NKIRAS1: variants seen among roughly 807,000 people sequenced by gnomAD.
NKIRAS1 encodes the protein NF-kappa-B inhibitor-interacting Ras-like protein 1.
A neutral mutation model predicts 19.8 loss-of-function variants in NKIRAS1; 16 were observed. The observed-to-expected ratio is 0.81, with a 90% CI of 0.55 to 1.23. NKIRAS1 has a LOEUF of 1.23. Among genes scored for constraint, NKIRAS1 ranks in the 50% most tolerant of loss-of-function variants. The pLI is 0.00. For synonymous variants in NKIRAS1, 88 were observed against 79.0 expected, an observed-to-expected ratio of 1.11 and a Z score of -0.61; for missense variants, 184 against 220.0, an observed-to-expected ratio of 0.84 and a Z score of 1.04.
At position 23,890,359 on chromosome 3, in the gene NKIRAS1, G is replaced by T; in HGVS notation, c.*2736C>A. 1 of 636,592 alleles carries T rather than the reference G, an allele frequency of 1.6e-6. No individual in the cohort carries two copies. 39.4% of individuals were successfully genotyped at this position (636,592 alleles called of 1,614,324 possible). On this transcript the variant is annotated 3_prime_UTR_variant, in exon 5 of 5. Coordinates refer to ENST00000425478, the MANE Select transcript of NKIRAS1 (RefSeq NM_020345.4). Reference sequence around the variant, plus strand: ...GTTATGTTTTTTTGAAATTTTGATGGAAAAATATCCAGCATGGTGGAGTGG... The same window carrying T: ...GTTATGTTTTTTTGAAATTTTGATGTAAAAATATCCAGCATGGTGGAGTGG...
chr3:23,902,635 A>G (rs553197970), intron 3 of NKIRAS1, among the ~76,000 whole-genome samples: 3 of 152,288 alleles, frequency 2.0e-5, no homozygotes, highest in Non-Finnish European at 2.9e-5. Context: ...AAGGGGGTCT[A>G]AAGTTTAGAC....
chr3:23,900,139 G>A (rs1324350750), intron 4 of NKIRAS1, among the ~76,000 whole-genome samples: 1 of 151,782 alleles, frequency 6.6e-6, no homozygotes, highest in Non-Finnish European at 1.5e-5. Flanking sequence ...TCCAGCCTGG[G>A]TGAAAGAGAG....
At chr3:23,944,222 C>G (rs1226351291) in intron 1 of NKIRAS1, among the ~76,000 whole-genome samples, 1 of 152,046 alleles carries the variant, frequency 6.6e-6, no homozygotes, top group African/African-American at 2.4e-5. Context: ...GCAGATTTAC[C>G]AAAACAGTAA....
chr3:23,934,842 AAACTTACAGAG>A (rs201932169), intron 1 of NKIRAS1, among the ~76,000 whole-genome samples: 20 of 145,158 alleles, frequency 1.4e-4, no homozygotes, highest in African/African-American at 3.2e-4. Flanking sequence ...TGAAAAAAAA[AAACTTACAGAG>A]AATATCAGAA....
intron 1 of NKIRAS1, among the ~76,000 whole-genome samples, chr3:23,942,284 C>CAGTA (rs968476888): frequency 6.6e-6 from 1 of 151,764 alleles, no homozygotes; most frequent in African/African-American, 2.4e-5. Context: ...TGGCCTAGAG[C>CAGTA]AGTACTGTGA....
At chr3:23,933,854 G>A (rs1301119814) in intron 1 of NKIRAS1, among the ~76,000 whole-genome samples, 1 of 152,164 alleles carries the variant, frequency 6.6e-6, no homozygotes, top group African/African-American at 2.4e-5. Flanking sequence ...TAAGTTGGGT[G>A]TCTGGTAAAG....
intron 3 of NKIRAS1, among the ~76,000 whole-genome samples, chr3:23,903,116 GTATT>G (rs1702676506): frequency 6.6e-6 from 1 of 152,104 alleles, no homozygotes; most frequent in South Asian, 2.1e-4. Context: ...TTTTTAAGTT[GTATT>G]TATTTATTTT....
intron 1 of NKIRAS1, among the ~76,000 whole-genome samples, chr3:23,931,696 A>G (rs1386678180): frequency 7.0e-6 from 1 of 143,294 alleles, no homozygotes; most frequent in African/African-American, 2.6e-5. Context: ...GGGAGGAAAA[A>G]GAAATGGAAA....
At chr3:23,900,231 T>C (rs781606291) in intron 4 of NKIRAS1, among the ~76,000 whole-genome samples, 2 of 152,050 alleles carry the variant, frequency 1.3e-5, no homozygotes, top group Non-Finnish European at 2.9e-5. Flanking sequence ...ATGTAGTACT[T>C]GAGATAAGAA....
At chr3:23,929,453 G>T (rs1705268569) in intron 1 of NKIRAS1, among the ~76,000 whole-genome samples, 1 of 152,028 alleles carries the variant, frequency 6.6e-6, no homozygotes, top group African/African-American at 2.4e-5. Flanking sequence ...TTGAGACAGG[G>T]TCTCGCTCTG....
At position 23,900,919 on chromosome 3, in the gene NKIRAS1, A is replaced by G; in HGVS notation, c.225T>C (p.Tyr75=). ...LQEGVELPKH[Y]FSFADGFVLV... is the part of the protein sequence containing the mutation. ...GAACGAAGCCATCAGCAAATGAAAA[A>G]TAATGCTTTGGCAGCTCCACGCCTT... The change falls in exon 4 of 5, where the codon TAT becomes TAC. Residue 75 remains tyrosine (Y), a synonymous_variant. Coordinates refer to ENST00000425478, the MANE Select transcript of NKIRAS1 (RefSeq NM_020345.4). 1 of 1,614,194 alleles carries G rather than the reference A, an allele frequency of 6.2e-7. No individual in the cohort carries two copies. Among genetic ancestry groups the G allele is most frequent in the Non-Finnish European group, 8.5e-7 (1 of 1,180,036 alleles).
At position 23,892,795 on chromosome 3, in the gene NKIRAS1, T is replaced by C. The variant is rs1701571606; in HGVS notation, c.*300A>G. On this transcript the variant is annotated 3_prime_UTR_variant, in exon 5 of 5. Transcript: ENST00000425478. ...GGGGGGAAGTTACACATAGGTGCAT[T>C]TGCATAACTATCCAAACTATTTTAC... 1.5e-5 allele frequency: 3 copies of C among 195,304 alleles called. No individual in the cohort carries two copies. The highest frequency in any genetic ancestry group is 2.3e-5 in the African/African-American group (1 of 43,252). 12.1% of individuals were successfully genotyped at this position (195,304 alleles called of 1,614,324 possible). A position where few individuals can be genotyped will look rare whatever the true frequency, so the allele number is the denominator to read the frequency against.
At chr3:23,941,539 T>C (rs1236374868) in intron 1 of NKIRAS1, among the ~76,000 whole-genome samples, 2 of 152,202 alleles carry the variant, frequency 1.3e-5, no homozygotes, top group Non-Finnish European at 2.9e-5. Flanking sequence ...ATGAATATTC[T>C]GAGAATCCCA....
chr3:23,912,607 C>T (rs1190170081), intron 1 of NKIRAS1, among the ~76,000 whole-genome samples: 7 of 152,258 alleles, frequency 4.6e-5, no homozygotes, highest in African/African-American at 9.6e-5. Flanking sequence ...TGCAAACTAG[C>T]TCAGCCATTG....
intron 1 of NKIRAS1, among the ~76,000 whole-genome samples, chr3:23,932,807 T>C (rs998220319): frequency 6.6e-6 from 1 of 152,138 alleles, no homozygotes; most frequent in African/African-American, 2.4e-5. Flanking sequence ...CTTTTACTTC[T>C]TCCTCTTCCT....
At chr3:23,905,489 G>A (rs1408428802) in intron 3 of NKIRAS1, among the ~76,000 whole-genome samples, 2 of 152,162 alleles carry the variant, frequency 1.3e-5, no homozygotes, top group Admixed American at 6.5e-5. Context: ...AAATGTTAGT[G>A]TAAAATAAAG....
intron 3 of NKIRAS1, among the ~76,000 whole-genome samples, chr3:23,905,735 G>A (rs1209767729): frequency 6.6e-6 from 1 of 151,416 alleles, no homozygotes; most frequent in East Asian, 1.9e-4. Context: ...CATCATCACT[G>A]GATGTTCTGT....
At chr3:23,932,057 T>A (rs1445675930) in intron 1 of NKIRAS1, among the ~76,000 whole-genome samples, 1 of 151,852 alleles carries the variant, frequency 6.6e-6, no homozygotes, top group East Asian at 1.9e-4. Context: ...TAGAAAGGAG[T>A]GTGGCTTGAA....
chr3:23,943,704 A>G (rs1380624670), intron 1 of NKIRAS1, among the ~76,000 whole-genome samples: 1 of 152,264 alleles, frequency 6.6e-6, no homozygotes, highest in African/African-American at 2.4e-5. Flanking sequence ...AGCAAGCTAC[A>G]AAGCGTGGCC....
Sources: gnomAD v4.1 joint callset for allele counts (sites outside exome capture counted in the v4.1 genomes callset) on GRCh38, gnomAD v4.1.1 for gene constraint, MANE v1.5 for transcripts, NCBI Gene and HGNC (gene_info 2026-07-23, HGNC 2026-07-21) for gene names.